Variants in JAK2 observed in about 807,000 individuals in gnomAD.
JAK2 encodes tyrosine-protein kinase JAK2.
JAK2 carries 86 observed loss-of-function variants against 139.3 expected under a neutral mutation model. The observed-to-expected ratio is 0.62, with a 90% confidence interval of 0.52 to 0.74. The LOEUF is 0.74. Ranked by LOEUF, JAK2 falls within the 30% of genes least tolerant of loss-of-function variation. JAK2 has a pLI of 0.00. For missense variants in JAK2, 1,421 were observed against 1,360.3 expected, an observed-to-expected ratio of 1.04 and a Z score of -0.70; for synonymous variants, 490 against 437.7, an observed-to-expected ratio of 1.12 and a Z score of -1.49.
Position 5,081,832 on chromosome 9 carries a change from C to A in JAK2, c.2542C>A (p.His848Asn). ...GGATCCTACACAGTTTGAAGAGAGACATTTGAAATTTCTACAGCAACTTGG... is the reference window on the plus strand; with the variant it reads ...GGATCCTACACAGTTTGAAGAGAGAAATTTGAAATTTCTACAGCAACTTGG... ...DRDPTQFEER[H>N]LKFLQQLGKG... The change falls in exon 19 of 25, where the codon CAT becomes AAT. Residue 848 changes from histidine to asparagine, a missense_variant. By Grantham distance (68) the His-to-Asn change is moderately conservative. Transcript: ENST00000381652. 6.2e-7 allele frequency: 1 copy of A among 1,613,446 alleles called. No individual in the cohort carries two copies. The highest frequency in any genetic ancestry group is 8.5e-7 in the Non-Finnish European group (1 of 1,179,520).
intron 20 of JAK2, among the ~76,000 whole-genome samples, chr9:5,090,220 A>AGTT (rs1820471154): frequency 6.6e-6 from 1 of 152,224 alleles, no homozygotes; most frequent in Non-Finnish European, 1.5e-5. Flanking sequence ...TTGCCTGAAG[A>AGTT]GTTATAGAAA....
intron 22 of JAK2, among the ~76,000 whole-genome samples, chr9:5,102,553 T>C (rs1206047178): frequency 2.0e-5 from 3 of 152,086 alleles, no homozygotes; most frequent in African/African-American, 4.8e-5. Flanking sequence ...TCCACAAAGA[T>C]ACTCCTCGAG....
chr9:5,066,635 G>A, intron 9 of JAK2, 43 bp from the exon 10 acceptor site: 1 of 1,045,856 alleles, frequency 9.6e-7, no homozygotes, highest in Non-Finnish European at 1.5e-6. Context: ...ATAATATTAT[G>A]GTGCTTGATA....
chr9:5,072,052 G>A (rs529810523), intron 12 of JAK2, among the ~76,000 whole-genome samples: 1 of 152,092 alleles, frequency 6.6e-6, no homozygotes, highest in African/African-American at 2.4e-5. Context: ...AAGAAACCAC[G>A]ACAGCTGCAG....
chr9:5,033,904 C>G (rs11526366), intron 4 of JAK2, among the ~76,000 whole-genome samples: 1 of 151,910 alleles, frequency 6.6e-6, no homozygotes, highest in Non-Finnish European at 1.5e-5. Context: ...TAACCTTAAA[C>G]GTAAATGGGC....
chr9:5,062,305 G>GTTACATACAAT (rs1818234690), intron 8 of JAK2, among the ~76,000 whole-genome samples: 2 of 151,836 alleles, frequency 1.3e-5, no homozygotes, highest in Non-Finnish European at 2.9e-5. Context: ...CTTGTATTCT[G>GTTACATACAAT]AGGGACAACT....
intron 22 of JAK2, chr9:5,099,217 G>C (rs893635179): frequency 3.3e-5 from 5 of 152,102 alleles, no homozygotes; most frequent in African/African-American, 1.2e-4. Flanking sequence ...TGGGCGACCA[G>C]GTCTTTACTA....
At position 5,034,911 on chromosome 9, in the gene JAK2, A is replaced by AACCCTT. The variant is rs879458279; in HGVS notation, c.350+5005_350+5006insACCCTT. ...CAGAGCAGAACTGAAGGACATAGAGAGACAAAAAACCCTTCAAAAAAATCA... is the reference window on the plus strand; with the variant it reads ...CAGAGCAGAACTGAAGGACATAGAGAACCCTTGACAAAAAACCCTTCAAAAAAATCA... On this transcript the variant is annotated intron_variant, in intron 4 of 24. Coordinates refer to ENST00000381652, the MANE Select transcript of JAK2 (RefSeq NM_004972.4). Among the ~76,000 whole-genome samples the AACCCTT allele has an allele frequency of 4.8e-3, 735 of 152,238 alleles. 9 individuals carry two copies. The highest frequency in any genetic ancestry group is 0.017 in the African/African-American group (700 of 41,472).
At chr9:4,995,261 A>C (rs950161690) in intron 2 of JAK2, among the ~76,000 whole-genome samples, 7 of 152,180 alleles carry the variant, frequency 4.6e-5, no homozygotes, top group Non-Finnish European at 1.0e-4. Context: ...TCTTATACTA[A>C]GGAAGATAGC....
At chr9:5,102,030 G>C (rs913048325) in intron 22 of JAK2, among the ~76,000 whole-genome samples, 1 of 152,100 alleles carries the variant, frequency 6.6e-6, no homozygotes, top group Non-Finnish European at 1.5e-5. Flanking sequence ...CAGCTGGATG[G>C]AGAATGACTT....
intron 13 of JAK2, 76 bp from the exon 14 acceptor site, chr9:5,073,622 A>G (rs545677910): frequency 1.9e-6 from 2 of 1,065,220 alleles, no homozygotes; most frequent in African/African-American, 1.6e-5. Context: ...CATCTTTATT[A>G]TGGCAGAGAG....
chr9:5,059,088 G>T (rs1817977478), intron 8 of JAK2, among the ~76,000 whole-genome samples: 1 of 152,072 alleles, frequency 6.6e-6, no homozygotes, highest in Non-Finnish European at 1.5e-5. Context: ...GATATAACAT[G>T]AACCCAGTAA....
intron 3 of JAK2, among the ~76,000 whole-genome samples, chr9:5,028,734 CT>C (rs1822945964): frequency 6.6e-6 from 1 of 152,168 alleles, no homozygotes; most frequent in African/African-American, 2.4e-5. Context: ...GACATGGTTT[CT>C]TTTCTTAAAC....
At chr9:5,026,970 T>C (rs984442260) in intron 3 of JAK2, among the ~76,000 whole-genome samples, 1 of 152,236 alleles carries the variant, frequency 6.6e-6, no homozygotes, top group Non-Finnish European at 1.5e-5. Flanking sequence ...CTTGACACAT[T>C]GTTCTTTTAA....
Position 5,128,608 on chromosome 9 carries a change from T to C in JAK2, c.*1817T>C, listed in dbSNP as rs1586851352. 6.6e-6 allele frequency among the ~76,000 whole-genome samples: 1 copy of C among 151,920 alleles called. No individual in the cohort carries two copies. Among genetic ancestry groups the C allele is most frequent in the African/African-American group, 2.4e-5 (1 of 41,438 alleles). On this transcript the variant is annotated 3_prime_UTR_variant, in exon 25 of 25. Coordinates refer to ENST00000381652, the MANE Select transcript of JAK2 (RefSeq NM_004972.4). ...GATGTGAACTAACTTTTCTTAAACA[T>C]TTTTTTAAATGCTTCATCTTTTAGT...
At chr9:5,109,138 C>G (rs1822225125) in intron 22 of JAK2, 1 of 152,122 alleles carries the variant, frequency 6.6e-6, no homozygotes, top group African/African-American at 2.4e-5. Context: ...ACCCTCTACT[C>G]CCTACATGTA....
chr9:5,077,619 AT>A, intron 15 of JAK2, 39 bp downstream of exon 15: 1 of 1,306,884 alleles, frequency 7.7e-7, no homozygotes. Flanking sequence ...ATACTATTTT[AT>A]TTTATAAAAC....
intron 8 of JAK2, among the ~76,000 whole-genome samples, chr9:5,057,420 T>G (rs1177542956): frequency 1.3e-5 from 2 of 152,040 alleles, no homozygotes; most frequent in African/African-American, 4.8e-5. Flanking sequence ...ATTTAGCATC[T>G]TAACCATTTT....
At chr9:5,052,965 G>A (rs565005092) in intron 6 of JAK2, among the ~76,000 whole-genome samples, 9 of 152,116 alleles carry the variant, frequency 5.9e-5, no homozygotes, top group African/African-American at 1.9e-4. Flanking sequence ...AGTTGTATAT[G>A]AGTAATTTTG....
Sources: allele counts gnomAD v4.1 joint callset (sites outside exome capture counted in the v4.1 genomes callset), GRCh38; gene constraint gnomAD v4.1.1; transcripts MANE v1.5; gene names NCBI Gene and HGNC (gene_info 2026-07-23, HGNC 2026-07-21).